Variants in CYP2F1 observed in about 807,000 individuals in gnomAD.
CYP2F1 encodes the protein cytochrome P450 family 2 subfamily F member 1, also known as cytochrome P450 2F1.
CYP2F1 carries 33 observed loss-of-function variants against 40.4 expected under a neutral mutation model. The observed-to-expected ratio is 0.82, with a 90% CI of 0.62 to 1.09. The LOEUF is 1.09. CYP2F1 is among the 50% of genes least tolerant of loss of function. CYP2F1 has a pLI of 0.00. For synonymous variants in CYP2F1, 235 were observed against 277.2 expected (o/e 0.85, Z 1.51); for missense variants, 566 against 655.7 (o/e 0.86, Z 1.49).
chr19:41,124,190 C>T (rs1053144762), intron 7 of CYP2F1, among the ~76,000 whole-genome samples: 3 of 151,336 alleles, frequency 2.0e-5, no homozygotes, highest in African/African-American at 7.3e-5. Context: ...AAGCTTTCGC[C>T]CTCACTGACC....
At chr19:41,127,481 A>G (rs946760747) in intron 9 of CYP2F1, among the ~76,000 whole-genome samples, 1 of 152,054 alleles carries the variant, frequency 6.6e-6, no homozygotes, top group Non-Finnish European at 1.5e-5. Context: ...GACTGCAGGC[A>G]TGTGCCACCT....
At position 41,128,162 on chromosome 19, in the gene CYP2F1, T is replaced by C. The variant is rs2032621106; in HGVS notation, c.*80T>C. 4.3e-6 allele frequency: 6 copies of C among 1,383,822 alleles called. 1 individual carries two copies. In the South Asian group the frequency reaches 6.8e-5, roughly 16 times the overall value. 85.7% of individuals were successfully genotyped at this position (1,383,822 alleles called of 1,614,324 possible). On this transcript the variant is annotated 3_prime_UTR_variant, in exon 10 of 10. Coordinates refer to ENST00000331105, the MANE Select transcript of CYP2F1 (RefSeq NM_000774.5). ...GCTACGTCCCCTTCTTGGTCCACAG[T>C]CTGCCCTCATCCCTCTGGCAGTCAC...
chr19:41,119,740 T>C (rs1273813649), intron 3 of CYP2F1, among the ~76,000 whole-genome samples: 14 of 73,450 alleles, frequency 1.9e-4, no homozygotes, highest in South Asian at 6.3e-4. Flanking sequence ...TATATATATA[T>C]ATATATATAC....
intron 7 of CYP2F1, among the ~76,000 whole-genome samples, chr19:41,124,382 G>T (rs962351121): frequency 6.8e-6 from 1 of 147,492 alleles, no homozygotes; most frequent in Non-Finnish European, 1.5e-5. Flanking sequence ...TCCTGCCTCA[G>T]CCTCCCAAGC....
chr19:41,117,299 GTTT>G, intron 3 of CYP2F1, among the ~76,000 whole-genome samples: 1 of 151,796 alleles, frequency 6.6e-6, no homozygotes, highest in South Asian at 2.1e-4. Flanking sequence ...CCTGGTTAAT[GTTT>G]TGTATTTTTA....
At chr19:41,120,641 C>T in intron 4 of CYP2F1, 145 bp downstream of exon 4, 1 of 907,960 alleles carries the variant, frequency 1.1e-6, no homozygotes, top group Non-Finnish European at 1.7e-6. Flanking sequence ...TCCACCACAC[C>T]CAGCTTATTT....
At position 41,127,965 on chromosome 19, in the gene CYP2F1, C is replaced by T; in HGVS notation, c.1359C>T (p.Ile453=). The T allele has an allele frequency of 1.9e-6, 3 of 1,613,570 alleles. No homozygotes were observed. Among genetic ancestry groups the T allele is most frequent in the Non-Finnish European group, 2.5e-6 (3 of 1,179,984 alleles). The part of the protein sequence containing the change: ...RMELFLYLTA[I]LQSFSLQPLG... ...AGCTCTTTCTGTACCTCACCGCCAT[C>T]CTGCAGAGCTTTTCGCTGCAGCCGC... is the stretch of plus-strand genomic sequence containing the variant. Residue 453 remains isoleucine, a synonymous_variant, in exon 10 of 10, where the codon ATC becomes ATT. Transcript: ENST00000331105.
At chr19:41,126,539 G>T (rs141662451) in intron 9 of CYP2F1, among the ~76,000 whole-genome samples, 9,288 of 152,048 alleles carry the variant, frequency 0.061, 460 homozygotes, top group Admixed American at 0.14. Context: ...ATCGCTTGAG[G>T]CCAGGAGTTC....
At position 41,116,233 on chromosome 19, in the gene CYP2F1, C is replaced by T. The variant is rs1409029542; in HGVS notation, c.45C>T (p.Leu15=). The change falls in exon 2 of 10, where the codon CTC becomes CTT. Residue 15 remains leucine, a synonymous_variant. Coordinates refer to ENST00000331105, the MANE Select transcript of CYP2F1 (RefSeq NM_000774.5). ...CCATCTTACTCCTGCTCCTGGCTCTCGTCTGTCTGCTCCTGACCCTAAGCT... is the reference window on the plus strand; with the variant it reads ...CCATCTTACTCCTGCTCCTGGCTCTTGTCTGTCTGCTCCTGACCCTAAGCT... ...STAILLLLLA[L]VCLLLTLSSR... The T allele has an allele frequency of 5.6e-6, 9 of 1,614,040 alleles. No homozygotes were observed. Among genetic ancestry groups the T allele is most frequent in the Admixed American group, 3.3e-5 (2 of 60,006 alleles).
At chr19:41,123,286 C>A (rs2032343746) in intron 7 of CYP2F1, 1 of 435,470 alleles carries the variant, frequency 2.3e-6, no homozygotes. Flanking sequence ...ACTGCAACCT[C>A]CCCCTCCCGA....
chr19:41,121,345 A>G, intron 4 of CYP2F1, 113 bp from the exon 5 acceptor site: 1 of 1,090,644 alleles, frequency 9.2e-7, no homozygotes, highest in Non-Finnish European at 1.3e-6. Flanking sequence ...TTTGCACCGT[A>G]AGACACGTTG....
intron 1 of CYP2F1, 133 bp downstream of exon 1, chr19:41,114,625 C>G (rs1044156043): frequency 2.0e-5 from 3 of 152,210 alleles, no homozygotes; most frequent in African/African-American, 7.3e-5. Context: ...GCTCTCATGT[C>G]CCTGTTCTGA....
At chr19:41,116,153 C>G (rs921662868) in intron 1 of CYP2F1, 25 bp from the exon 2 acceptor site, 1 of 1,596,628 alleles carries the variant, frequency 6.3e-7, no homozygotes, top group African/African-American at 1.3e-5. Context: ...TGTCCTCTCC[C>G]ACTTTGCCCT....
rs760261161 is a variant in CYP2F1, at chr19:41,127,937, T to C, written c.1331T>C (p.Met444Thr). The part of the protein sequence containing the change: ...RLCLGESLAR[M>T]ELFLYLTAIL... ...TGCCTGGGAGAGTCGCTGGCGCGCA[T>C]GGAGCTCTTTCTGTACCTCACCGCC... Residue 444 changes from methionine (M) to threonine (T), a missense_variant, in exon 10 of 10, where the codon ATG becomes ACG. By Grantham distance (81) the Met-to-Thr change is moderately conservative. Around this residue, in one of 5 missense-constraint regions of CYP2F1, gnomAD observed 85 missense variants for 84.9 expected, o/e 1.00. Coordinates refer to ENST00000331105, the MANE Select transcript of CYP2F1 (RefSeq NM_000774.5). 1.9e-6 allele frequency: 3 copies of C among 1,613,176 alleles called. No individual in the cohort carries two copies. The highest frequency in any genetic ancestry group is 2.5e-6 in the Non-Finnish European group (3 of 1,179,892).
rs2032250309 is a variant in CYP2F1, at chr19:41,122,064, C to T, written c.753C>T (p.Asp251=). The T allele has an allele frequency of 6.2e-7, 1 of 1,609,990 alleles. No individual in the cohort carries two copies. The highest frequency in any genetic ancestry group is 1.4e-5 in the African/African-American group (1 of 73,784). The change falls in exon 6 of 10, where the codon GAC becomes GAT. Residue 251 remains aspartate, a synonymous_variant. Transcript: ENST00000331105. ...ACCTCATCGCCCACAGCGTCCACGA[C>T]CACCAGGCCTCGCTAGACCCCAGAT... The part of the protein sequence containing the change: ...LRDLIAHSVH[D]HQASLDPRSP...
At chr19:41,117,434 A>G (rs1225548066) in intron 3 of CYP2F1, among the ~76,000 whole-genome samples, 1 of 151,878 alleles carries the variant, frequency 6.6e-6, no homozygotes, top group East Asian at 1.9e-4. Flanking sequence ...TCCTGGCCCA[A>G]ACTGAATTCT....
chr19:41,115,141 T>A (rs1269966691), intron 1 of CYP2F1, among the ~76,000 whole-genome samples: 2 of 151,332 alleles, frequency 1.3e-5, no homozygotes, highest in African/African-American at 4.9e-5. Flanking sequence ...CTGCCTCTCT[T>A]ATTCTCTCTC....
In CYP2F1 at chr19:41,122,100, C is replaced by T. The variant is rs2032254160; in HGVS notation, c.789C>T (p.Asp263=). The change falls in exon 6 of 10, where the codon GAC becomes GAT. Residue 263 remains aspartate (D), a synonymous_variant. Coordinates refer to ENST00000331105, the MANE Select transcript of CYP2F1 (RefSeq NM_000774.5). ...CGCTAGACCCCAGATCTCCCCGGGA[C>T]TTCATCCAGTGCTTCCTCACCAAGA... ...QASLDPRSPR[D]FIQCFLTKMA... is the part of the protein sequence containing the mutation. 2.6e-6 allele frequency: 4 copies of T among 1,529,630 alleles called. No homozygotes were observed. The highest frequency in any genetic ancestry group is 2.9e-5 in the African/African-American group (2 of 69,214). 94.8% of individuals were successfully genotyped at this position (1,529,630 alleles called of 1,614,324 possible).
At chr19:41,117,236 T>G (rs1244779542) in intron 3 of CYP2F1, among the ~76,000 whole-genome samples, 1 of 152,104 alleles carries the variant, frequency 6.6e-6, no homozygotes, top group East Asian at 1.9e-4. Context: ...GCTCATGCGA[T>G]TCTCCTGCCT....
Sources: gnomAD v4.1 joint callset for allele counts (sites outside exome capture counted in the v4.1 genomes callset) on GRCh38, gnomAD v4.1.1 for gene constraint, gnomAD v4.1.1 regional missense constraint, MANE v1.5 for transcripts, NCBI Gene and HGNC (gene_info 2026-07-23, HGNC 2026-07-21) for gene names.